KRABD4: variants seen among roughly 807,000 people sequenced by gnomAD.
The protein encoded by KRABD4 is KRAB domain containing 4, also known as KRAB domain-containing protein 4.
the KRABD4 span, among the ~76,000 whole-genome samples, chrX:46,453,512 T>C: frequency 1.5e-4 from 17 of 111,929 alleles, no homozygotes; most frequent in African/African-American, 5.2e-4. Flanking sequence ...TAAAATTAAC[T>C]ACTAAGTAAC....
the KRABD4 span, among the ~76,000 whole-genome samples, chrX:46,460,137 A>G: frequency 8.9e-6 from 1 of 112,090 alleles, no homozygotes; most frequent in South Asian, 3.7e-4. Context: ...TATAAAGGAT[A>G]TTACAGGCAA....
chrX:46,449,683 C>CT, the KRABD4 span, among the ~76,000 whole-genome samples: 1 of 112,572 alleles, frequency 8.9e-6, no homozygotes, highest in Non-Finnish European at 1.9e-5. Context: ...TTTTGAAAGG[C>CT]TGTTCAGTAT....
chrX:46,463,990 T>A, the KRABD4 span, among the ~76,000 whole-genome samples: 1 of 108,935 alleles, frequency 9.2e-6, no homozygotes, highest in Non-Finnish European at 1.9e-5. Flanking sequence ...GTTATCAGAT[T>A]CCTCCATTTT....
At chrX:46,454,195 C>T in the KRABD4 span, 1 of 168,352 alleles carries the variant, frequency 5.9e-6, no homozygotes, top group Admixed American at 5.5e-5. Flanking sequence ...GCCACTTCTA[C>T]AGCAAAGCCA....
chrX:46,456,088 G>A, the KRABD4 span: 11 of 341,478 alleles, frequency 3.2e-5, no homozygotes, highest in African/African-American at 2.4e-4. Flanking sequence ...TAAAAGGCAC[G>A]ACACAGATAT....
chrX:46,462,577 C>T, the KRABD4 span: 2 of 833,666 alleles, frequency 2.4e-6, no homozygotes, highest in East Asian at 3.5e-5. Context: ...CGACTCCCCT[C>T]ATTCCTGGCT....
the KRABD4 span, chrX:46,450,493 C>A: frequency 8.3e-7 from 1 of 1,199,884 alleles, no homozygotes. Flanking sequence ...TCTAATTTAC[C>A]CATACTTTGT....
chrX:46,456,850 ATGAGT>A, the KRABD4 span: 3 of 443,889 alleles, frequency 6.8e-6, no homozygotes, highest in Non-Finnish European at 3.4e-6. Context: ...ATGGTATGTA[ATGAGT>A]TGAGTCGGAA....
chrX:46,458,003 A>G, the KRABD4 span, among the ~76,000 whole-genome samples: 41 of 111,616 alleles, frequency 3.7e-4, no homozygotes, highest in Non-Finnish European at 6.0e-4. Context: ...TGGCCTCTCA[A>G]AGTGCTGGGA....
At chrX:46,473,551 G>T in the KRABD4 span, 5 of 572,265 alleles carry the variant, frequency 8.7e-6, no homozygotes, top group East Asian at 1.5e-4. Context: ...AACTCTCATT[G>T]TATGTCACAG....
chrX:46,462,938 T>C, the KRABD4 span: 1 of 1,187,237 alleles, frequency 8.4e-7, no homozygotes, highest in Non-Finnish European at 1.1e-6. Flanking sequence ...TCTCAGCTGC[T>C]CCAAGCTCTG....
chrX:46,448,639 G>A, the KRABD4 span: 1 of 113,391 alleles, frequency 8.8e-6, no homozygotes, highest in Non-Finnish European at 1.9e-5. Context: ...GCTGGAGGAG[G>A]GACAGGTGAA....
At chrX:46,462,577 C>G in the KRABD4 span, 3 of 833,702 alleles carry the variant, frequency 3.6e-6, no homozygotes, top group East Asian at 6.9e-5. Flanking sequence ...CGACTCCCCT[C>G]ATTCCTGGCT....
At chrX:46,463,586 C>T in the KRABD4 span, 72 of 407,277 alleles carry the variant, frequency 1.8e-4, no homozygotes, top group African/African-American at 1.3e-3. Flanking sequence ...AGCCCCTTCT[C>T]ATTCCTCTCC....
chrX:46,456,014 T>A, the KRABD4 span: 1 of 346,532 alleles, frequency 2.9e-6, no homozygotes. Flanking sequence ...GCTAAAGTCA[T>A]CTGTAAAGTT....
chrX:46,450,394 A>C, the KRABD4 span: 1,173 of 924,546 alleles, frequency 1.3e-3, no homozygotes, highest in Non-Finnish European at 1.7e-3. Flanking sequence ...TAATGGCTGT[A>C]CCTACCGAAT....
the KRABD4 span, among the ~76,000 whole-genome samples, chrX:46,460,656 C>G: frequency 2.3e-4 from 21 of 92,004 alleles, no homozygotes; most frequent in Non-Finnish European, 3.4e-4. Flanking sequence ...AGGTCTTGCT[C>G]TGTCCCCCAT....
At chrX:46,463,464 C>T in the KRABD4 span, 183 of 528,513 alleles carry the variant, frequency 3.5e-4, no homozygotes, top group Non-Finnish European at 1.7e-4. Context: ...TCTGCCTGGC[C>T]GCCGGTTACA....
the KRABD4 span, among the ~76,000 whole-genome samples, chrX:46,451,501 A>G: frequency 9.1e-6 from 1 of 110,428 alleles, no homozygotes; most frequent in Non-Finnish European, 1.9e-5. Flanking sequence ...TAAGTTTTTA[A>G]TTTTTTTTTA....
Sources: allele counts gnomAD v4.1 joint callset (sites outside exome capture counted in the v4.1 genomes callset), GRCh38; gene constraint gnomAD v4.1.1; transcripts MANE v1.5; gene names NCBI Gene and HGNC (gene_info 2026-07-23, HGNC 2026-07-21).